RGS7: variants seen among roughly 807,000 people sequenced by gnomAD.
The protein encoded by RGS7 is regulator of G-protein signaling 7.
A neutral mutation model predicts 81.1 loss-of-function variants in RGS7; 27 were observed. The observed-to-expected ratio is 0.33, with a 90% CI of 0.25 to 0.46. The LOEUF is 0.46. Ranked by LOEUF, RGS7 falls within the 20% of genes least tolerant of loss-of-function variation. The pLI is 1.00. For synonymous variants in RGS7, 208 were observed against 207.7 expected, an observed-to-expected ratio of 1.00 and a Z score of -0.01; for missense variants, 396 against 607.4, an observed-to-expected ratio of 0.65 and a Z score of 3.66.
chr1:241,126,838 C>T (rs2066698760), intron 2 of RGS7, among the ~76,000 whole-genome samples: 1 of 150,708 alleles, frequency 6.6e-6, no homozygotes, highest in Non-Finnish European at 1.5e-5. Context: ...TAGGTGACAG[C>T]ATTGCCTAAC....
intron 2 of RGS7, among the ~76,000 whole-genome samples, chr1:241,189,363 G>C (rs1157067806): frequency 6.6e-6 from 1 of 151,972 alleles, no homozygotes; most frequent in Non-Finnish European, 1.5e-5. Flanking sequence ...TGGTCTAATT[G>C]TTTGCATTCT....
chr1:241,256,829 G>C (rs1445113533), intron 2 of RGS7, among the ~76,000 whole-genome samples: 1 of 151,918 alleles, frequency 6.6e-6, no homozygotes, highest in East Asian at 1.9e-4. Context: ...TAACACATGA[G>C]TTTTGGGGAG....
chr1:240,918,354 T>C (rs937238486), intron 6 of RGS7, among the ~76,000 whole-genome samples: 2 of 152,172 alleles, frequency 1.3e-5, no homozygotes, highest in African/African-American at 4.8e-5. Context: ...TTCTAGGTCA[T>C]AAGACACACC....
intron 3 of RGS7, among the ~76,000 whole-genome samples, chr1:241,001,961 C>T (rs754198343): frequency 9.9e-5 from 15 of 151,946 alleles, no homozygotes; most frequent in South Asian, 4.2e-4. Flanking sequence ...CGCGTCAGTG[C>T]GATAATGATG....
At chr1:240,995,324 T>C (rs1388486160) in intron 3 of RGS7, among the ~76,000 whole-genome samples, 1 of 152,194 alleles carries the variant, frequency 6.6e-6, no homozygotes, top group Non-Finnish European at 1.5e-5. Flanking sequence ...TTTCTAGTTT[T>C]GACATCAGGG....
chr1:241,108,302 CAAAAAAA>C (rs34848063), intron 2 of RGS7, among the ~76,000 whole-genome samples: 2 of 70,906 alleles, frequency 2.8e-5, no homozygotes, highest in Admixed American at 1.7e-4. Context: ...GACTCCGTCT[CAAAAAAA>C]AAAAAAAAAA....
chr1:241,182,584 C>T (rs576875710), intron 2 of RGS7, among the ~76,000 whole-genome samples: 6 of 151,922 alleles, frequency 3.9e-5, no homozygotes, highest in Admixed American at 6.6e-5. Context: ...GTATTCATCC[C>T]GTTCCTGAGC....
intron 4 of RGS7, among the ~76,000 whole-genome samples, chr1:240,938,708 TG>T (rs1446366679): frequency 1.3e-5 from 2 of 152,178 alleles, no homozygotes; most frequent in Non-Finnish European, 2.9e-5. Context: ...GCCCTGGCTT[TG>T]GAAGACTGTT....
intron 2 of RGS7, among the ~76,000 whole-genome samples, chr1:241,248,359 T>C (rs2076656660): frequency 6.8e-6 from 1 of 147,938 alleles, no homozygotes; most frequent in African/African-American, 2.5e-5. Flanking sequence ...TATACATATA[T>C]ATATATACGT....
chr1:241,039,092 A>G (rs2148759594), intron 3 of RGS7, among the ~76,000 whole-genome samples: 1 of 152,268 alleles, frequency 6.6e-6, no homozygotes, highest in Admixed American at 6.5e-5. Flanking sequence ...GACAGACAAA[A>G]GAATACATCT....
intron 9 of RGS7, among the ~76,000 whole-genome samples, chr1:240,836,619 A>T (rs1432329442): frequency 1.3e-5 from 2 of 152,208 alleles, no homozygotes; most frequent in African/African-American, 2.4e-5. Context: ...GTATTTACAT[A>T]CAATGTTTGT....
intron 3 of RGS7, among the ~76,000 whole-genome samples, chr1:241,043,768 T>C (rs1019017190): frequency 3.3e-5 from 5 of 151,730 alleles, no homozygotes; most frequent in African/African-American, 1.2e-4. Context: ...TTATGTAGTA[T>C]TTACATTGTG....
intron 3 of RGS7, among the ~76,000 whole-genome samples, chr1:241,076,284 G>A (rs2459943): frequency 0.026 from 3,940 of 151,938 alleles, 168 homozygotes; most frequent in African/African-American, 0.09. Context: ...AGTCCTTCCC[G>A]GGTTAACCCA....
chr1:241,096,238 C>T (rs1281969772), intron 3 of RGS7, among the ~76,000 whole-genome samples: 2 of 152,046 alleles, frequency 1.3e-5, no homozygotes, highest in African/African-American at 4.8e-5. Flanking sequence ...GCCAGCAGTC[C>T]GTTGCGAGTT....
intron 2 of RGS7, among the ~76,000 whole-genome samples, chr1:241,243,000 T>A (rs1351727083): frequency 6.6e-6 from 1 of 152,048 alleles, no homozygotes; most frequent in African/African-American, 2.4e-5. Flanking sequence ...CCCATCTATT[T>A]ATCTCTGTTT....
At chr1:240,782,116 T>C (rs1188691829) in intron 18 of RGS7, among the ~76,000 whole-genome samples, 1 of 152,206 alleles carries the variant, frequency 6.6e-6, no homozygotes, top group Non-Finnish European at 1.5e-5. Flanking sequence ...TTGGATCTAT[T>C]TGTAAACCAT....
intron 3 of RGS7, among the ~76,000 whole-genome samples, chr1:241,036,425 T>C (rs1002250856): frequency 1.3e-5 from 2 of 152,218 alleles, no homozygotes; most frequent in African/African-American, 4.8e-5. Flanking sequence ...AGAAATATCA[T>C]GTAGGAAATA....
chr1:241,158,422 A>G (rs2069358121), intron 2 of RGS7, among the ~76,000 whole-genome samples: 1 of 152,134 alleles, frequency 6.6e-6, no homozygotes, highest in Admixed American at 6.5e-5. Flanking sequence ...AACACTAAAC[A>G]CCTTCCACAG....
chr1:241,279,479 T>C (rs2078389307), intron 2 of RGS7, among the ~76,000 whole-genome samples: 2 of 152,262 alleles, frequency 1.3e-5, no homozygotes, highest in South Asian at 2.1e-4. Flanking sequence ...CTATGTCCTA[T>C]ATATTTTTTG....
Sources: gnomAD v4.1 joint callset for allele counts (sites outside exome capture counted in the v4.1 genomes callset) on GRCh38, gnomAD v4.1.1 for gene constraint, MANE v1.5 for transcripts, NCBI Gene and HGNC (gene_info 2026-07-23, HGNC 2026-07-21) for gene names.